FMN1: variants seen among roughly 807,000 people sequenced by gnomAD.
FMN1 encodes the protein formin 1.
A neutral mutation model predicts 132.4 loss-of-function variants in FMN1; 110 were observed. The observed-to-expected ratio is 0.83, with a 90% confidence interval of 0.71 to 0.97. FMN1 has a LOEUF of 0.97. Ranked by LOEUF, FMN1 falls within the 50% of genes least tolerant of loss-of-function variation. The pLI is 0.00. For synonymous variants in FMN1, 722 were observed against 651.7 expected (o/e 1.11, Z -1.64); for missense variants, 1,792 against 1,705.3 (o/e 1.05, Z -0.90).
chr15:32,862,910 C>T (rs1477375633), intron 16 of FMN1, among the ~76,000 whole-genome samples: 1 of 152,200 alleles, frequency 6.6e-6, no homozygotes, highest in African/African-American at 2.4e-5. Context: ...CCCACCCTTC[C>T]ACAGTCCTGC....
chr15:33,111,251 C>A (rs2039691821), intron 4 of FMN1, among the ~76,000 whole-genome samples: 1 of 152,060 alleles, frequency 6.6e-6, no homozygotes, highest in Non-Finnish European at 1.5e-5. Flanking sequence ...TTAAAGGATC[C>A]TTTGAAATGC....
intron 6 of FMN1, among the ~76,000 whole-genome samples, chr15:33,021,812 A>C (rs191001530): frequency 1.5e-4 from 23 of 152,306 alleles, no homozygotes; most frequent in Admixed American, 1.4e-3. Flanking sequence ...AAGCAGTTTA[A>C]AATTCCATGA....
chr15:33,162,810 G>C (rs1964947550), intron 3 of FMN1, among the ~76,000 whole-genome samples: 1 of 152,110 alleles, frequency 6.6e-6, no homozygotes, highest in Non-Finnish European at 1.5e-5. Context: ...AAGAGGTCAA[G>C]AAAGAAACAA....
At position 32,768,411 on chromosome 15, in the gene FMN1, T is replaced by C. The variant is rs2056118898; in HGVS notation, c.*5899A>G. 1 of 152,242 alleles carries C rather than the reference T, an allele frequency of 6.6e-6. No individual in the cohort carries two copies. Among genetic ancestry groups the C allele is most frequent in the South Asian group, 2.1e-4 (1 of 4,828 alleles). The allele number at this position is 152,242 out of a possible 1,614,324, so 9.4% of individuals were successfully genotyped here. ...GGACATTAACAAACAATTGCTAATG[T>C]GTGCCTGAAATCTGATTTCCTTCTT... On this transcript the variant is annotated 3_prime_UTR_variant, in exon 21 of 21. Transcript: ENST00000616417.
rs868044029 is a variant in FMN1, at chr15:33,151,716, A to G, written c.1867+1332T>C. On this transcript the variant is annotated intron_variant, in intron 4 of 20. Coordinates refer to ENST00000616417, the MANE Select transcript of FMN1 (RefSeq NM_001277313.2). Reference sequence around the variant, plus strand: ...GAAATCTCTCTCTTAATAATCTCAGAGAGTTTCCTTGTCAAGTGTTTCTAA... The same window carrying G: ...GAAATCTCTCTCTTAATAATCTCAGGGAGTTTCCTTGTCAAGTGTTTCTAA... 1.1e-4 allele frequency among the ~76,000 whole-genome samples: 16 copies of G among 151,840 alleles called. 1 individual carries two copies. The highest frequency in any genetic ancestry group is 3.4e-3 in the Middle Eastern group (1 of 294).
rs899772496 is a variant in FMN1 at position 33,066,740 on chromosome 15, C to A, written c.2044-1666G>T. 6.2e-6 allele frequency: 10 copies of A among 1,613,860 alleles called. No individual in the cohort carries two copies. Among genetic ancestry groups the A allele is most frequent in the African/African-American group, 1.3e-5 (1 of 74,924 alleles). ...ACCCTGGGTTTGTGGTACTCCAGGG[C>A]CGCTCTGGCTCTCTTGGTCAGCATT... On this transcript the variant is annotated intron_variant, in intron 5 of 20. Coordinates refer to ENST00000616417, the MANE Select transcript of FMN1 (RefSeq NM_001277313.2).
chr15:33,170,276 T>C (rs1446422989), intron 3 of FMN1, among the ~76,000 whole-genome samples: 4 of 152,042 alleles, frequency 2.6e-5, no homozygotes, highest in Non-Finnish European at 5.9e-5. Flanking sequence ...CAACTCAAGA[T>C]GGATTAAAGA....
intron 5 of FMN1, among the ~76,000 whole-genome samples, chr15:33,086,154 G>A (rs112932134): frequency 2.4e-3 from 369 of 152,024 alleles, no homozygotes; most frequent in African/African-American, 8.2e-3. Context: ...AGGAGGCTGA[G>A]GCAGGAGAAT....
At chr15:33,061,192 G>A (rs1229360856) in intron 6 of FMN1, among the ~76,000 whole-genome samples, 1 of 152,156 alleles carries the variant, frequency 6.6e-6, no homozygotes, top group Non-Finnish European at 1.5e-5. Flanking sequence ...ACTAACCACA[G>A]TAAAACTGAG....
chr15:33,064,867 A>T (rs1301577257), intron 6 of FMN1, 90 bp downstream of exon 6: 4 of 873,858 alleles, frequency 4.6e-6, no homozygotes, highest in Non-Finnish European at 7.2e-6. Flanking sequence ...ATGAAATAAA[A>T]CCCCAAATTC....
intron 4 of FMN1, among the ~76,000 whole-genome samples, chr15:33,134,374 G>C (rs927273801): frequency 6.6e-6 from 1 of 152,208 alleles, no homozygotes; most frequent in African/African-American, 2.4e-5. Flanking sequence ...GGAGGATGCT[G>C]AGGTAACAGT....
chr15:33,128,348 T>C (rs970733636), intron 4 of FMN1, among the ~76,000 whole-genome samples: 2 of 152,180 alleles, frequency 1.3e-5, no homozygotes, highest in Non-Finnish European at 2.9e-5. Flanking sequence ...GGCCTGATCC[T>C]TGACGATCTC....
At chr15:32,902,633 T>G (rs1408298140) in intron 12 of FMN1, among the ~76,000 whole-genome samples, 1 of 152,214 alleles carries the variant, frequency 6.6e-6, no homozygotes, top group African/African-American at 2.4e-5. Context: ...AACTCAGTAT[T>G]TAGAACAAAG....
At chr15:33,112,377 T>C (rs2039743059) in intron 4 of FMN1, among the ~76,000 whole-genome samples, 1 of 152,160 alleles carries the variant, frequency 6.6e-6, no homozygotes, top group South Asian at 2.1e-4. Context: ...GTGGTTGGAT[T>C]ATAGAAGATT....
intron 9 of FMN1, among the ~76,000 whole-genome samples, chr15:32,952,776 GTTAA>G (rs2061682448): frequency 6.6e-6 from 1 of 152,180 alleles, no homozygotes; most frequent in African/African-American, 2.4e-5. Context: ...TAGCATGAAA[GTTAA>G]TTAATGAAAA....
intron 6 of FMN1, among the ~76,000 whole-genome samples, chr15:33,009,505 T>G (rs2034593078): frequency 1.3e-5 from 2 of 152,210 alleles, no homozygotes; most frequent in Non-Finnish European, 2.9e-5. Flanking sequence ...TACTCCACCG[T>G]ACACTGGCTT....
At chr15:33,046,897 T>C (rs77582007) in intron 6 of FMN1, among the ~76,000 whole-genome samples, 1 of 152,200 alleles carries the variant, frequency 6.6e-6, no homozygotes, top group Non-Finnish European at 1.5e-5. Context: ...CACGGTTCTA[T>C]CATAAGGAAG....
intron 4 of FMN1, among the ~76,000 whole-genome samples, chr15:33,115,097 A>G (rs1481645568): frequency 6.6e-6 from 1 of 152,220 alleles, no homozygotes; most frequent in Non-Finnish European, 1.5e-5. Flanking sequence ...GCACGGAATC[A>G]TATGATACAA....
At chr15:32,851,616 G>A (rs932667458) in intron 17 of FMN1, among the ~76,000 whole-genome samples, 2 of 152,136 alleles carry the variant, frequency 1.3e-5, no homozygotes, top group Admixed American at 1.3e-4. Flanking sequence ...TTGCAACCCC[G>A]CCAAGTGGTG....
Sources: allele counts gnomAD v4.1 joint callset (sites outside exome capture counted in the v4.1 genomes callset), GRCh38; gene constraint gnomAD v4.1.1; transcripts MANE v1.5; gene names NCBI Gene and HGNC (gene_info 2026-07-23, HGNC 2026-07-21).